The following TNKS variants were observed in gnomAD, a reference collection of about 807,000 sequenced individuals.
The protein encoded by TNKS is poly [ADP-ribose] polymerase tankyrase-1.
A neutral mutation model predicts 135.8 loss-of-function variants in TNKS; 72 were observed. That is an observed-to-expected ratio of 0.53 (90% CI 0.44 to 0.64). The LOEUF (loss-of-function observed/expected upper bound fraction) is 0.64. Among genes scored for constraint, TNKS ranks in the 30% least tolerant of loss-of-function variants. The probability of loss-of-function intolerance (pLI) is 0.00; values close to 1 mark genes in which losing one functional copy is unlikely to be tolerated. For missense variants in TNKS, 1,769 were observed against 1,674.0 expected (o/e 1.06, Z -0.99); for synonymous variants, 849 against 649.3 (o/e 1.31, Z -4.68).
intron 1 of TNKS, among the ~76,000 whole-genome samples, chr8:9,577,362 G>A (rs989141036): frequency 2.6e-5 from 4 of 151,752 alleles, no homozygotes; most frequent in Non-Finnish European, 5.9e-5. Context: ...GTGTTAGTCC[G>A]TTCTTGCATT....
intron 6 of TNKS, 109 bp downstream of exon 6, chr8:9,704,866 C>A: frequency 2.7e-6 from 2 of 735,174 alleles, no homozygotes; most frequent in Non-Finnish European, 4.3e-6. Flanking sequence ...GCTTACATAA[C>A]GTTTTAAGAA....
intron 2 of TNKS, among the ~76,000 whole-genome samples, chr8:9,593,875 TA>T (rs1258915043): frequency 4.0e-5 from 6 of 150,258 alleles, no homozygotes; most frequent in Admixed American, 3.3e-4. Context: ...TTTATTTATT[TA>T]TTTATTATTA....
intron 5 of TNKS, among the ~76,000 whole-genome samples, chr8:9,704,131 T>C (rs1466933150): frequency 6.6e-6 from 1 of 152,210 alleles, no homozygotes; most frequent in Non-Finnish European, 1.5e-5. Flanking sequence ...CCGTACAGAA[T>C]GAATAAGGCC....
chr8:9,602,141 A>C (rs1056123173), intron 2 of TNKS, among the ~76,000 whole-genome samples: 1 of 152,110 alleles, frequency 6.6e-6, no homozygotes, highest in Admixed American at 6.5e-5. Flanking sequence ...CACACAGGAC[A>C]GCTCCCCGCC....
intron 18 of TNKS, among the ~76,000 whole-genome samples, chr8:9,748,576 A>G (rs1443314943): frequency 6.6e-6 from 1 of 152,180 alleles, no homozygotes; most frequent in Non-Finnish European, 1.5e-5. Context: ...TAAGTCTGTG[A>G]GATAGTCAAA....
At chr8:9,618,315 A>T (rs1799729082) in intron 3 of TNKS, among the ~76,000 whole-genome samples, 1 of 152,174 alleles carries the variant, frequency 6.6e-6, no homozygotes, top group Non-Finnish European at 1.5e-5. Flanking sequence ...TTTTTTAATA[A>T]AGCTATACAA....
intron 12 of TNKS, among the ~76,000 whole-genome samples, chr8:9,724,784 C>A (rs1377780587): frequency 6.6e-6 from 1 of 152,054 alleles, no homozygotes; most frequent in African/African-American, 2.4e-5. Context: ...TCTCATAGTT[C>A]CAGAAGCATT....
At position 9,568,744 on chromosome 8, in the gene TNKS, T is replaced by TTTTC. The variant is rs541738280; in HGVS notation, c.674-11415_674-11414insTTTC. Among the ~76,000 whole-genome samples, 1,435 of 152,266 alleles carry TTTTC rather than the reference T, an allele frequency of 9.4e-3. 12 individuals are homozygous for TTTTC. Among genetic ancestry groups the TTTTC allele is most frequent in the Non-Finnish European group, 0.014 (962 of 68,022 alleles). ...AGAAAATCCTTCTTCAAACAGAAAA[T>TTTTC]GTTGTTGGAAAAGGAAGAAATATTT... On this transcript the variant is annotated intron_variant, in intron 1 of 26. Coordinates refer to ENST00000310430, the MANE Select transcript of TNKS (RefSeq NM_003747.3).
chr8:9,611,201 A>C (rs1001509102), intron 2 of TNKS, among the ~76,000 whole-genome samples: 32 of 152,228 alleles, frequency 2.1e-4, no homozygotes, highest in African/African-American at 7.7e-4. Context: ...ACGCATTAGT[A>C]AAACAATTAG....
intron 11 of TNKS, among the ~76,000 whole-genome samples, chr8:9,711,113 A>G (rs962331176): frequency 4.6e-5 from 7 of 152,184 alleles, no homozygotes; most frequent in African/African-American, 7.2e-5. Context: ...ATTTCAAAGC[A>G]GTTGTCTCCA....
intron 1 of TNKS, among the ~76,000 whole-genome samples, chr8:9,572,675 A>G (rs1376937937): frequency 1.3e-5 from 2 of 152,200 alleles, no homozygotes; most frequent in African/African-American, 2.4e-5. Flanking sequence ...TCATGTTGAG[A>G]TGGGGCTGCT....
chr8:9,681,761 G>C (rs1406001732), intron 5 of TNKS, among the ~76,000 whole-genome samples: 1 of 152,086 alleles, frequency 6.6e-6, no homozygotes, highest in East Asian at 1.9e-4. Flanking sequence ...TTTTCTGTGA[G>C]TGATAATTTT....
At chr8:9,602,262 A>G (rs537443482) in intron 2 of TNKS, among the ~76,000 whole-genome samples, 4 of 152,320 alleles carry the variant, frequency 2.6e-5, no homozygotes, top group Admixed American at 2.6e-4. Flanking sequence ...ACTTACGTAG[A>G]CAGCAAAAAG....
chr8:9,702,978 T>TG (rs1803881987), intron 5 of TNKS, among the ~76,000 whole-genome samples: 1 of 152,164 alleles, frequency 6.6e-6, no homozygotes, highest in African/African-American at 2.4e-5. Context: ...ATCAAGCGAC[T>TG]GCACTCCAGC....
chr8:9,693,878 G>A (rs1803391264), intron 5 of TNKS, among the ~76,000 whole-genome samples: 1 of 152,170 alleles, frequency 6.6e-6, no homozygotes, highest in East Asian at 1.9e-4. Flanking sequence ...GATTTACATT[G>A]CCTGGCTAAG....
At chr8:9,631,488 T>G (rs958893251) in intron 3 of TNKS, among the ~76,000 whole-genome samples, 1 of 152,156 alleles carries the variant, frequency 6.6e-6, no homozygotes, top group Non-Finnish European at 1.5e-5. Flanking sequence ...TAGAAGAAAA[T>G]TTACTAAAAA....
intron 17 of TNKS, among the ~76,000 whole-genome samples, chr8:9,742,156 A>G (rs532015976): frequency 2.6e-5 from 4 of 152,184 alleles, no homozygotes; most frequent in South Asian, 4.1e-4. Flanking sequence ...ATGTGTTTAT[A>G]GCAGGTATTT....
chr8:9,706,082 T>G (rs1436374136), intron 6 of TNKS, 105 bp from the exon 7 acceptor site: 3 of 648,970 alleles, frequency 4.6e-6, no homozygotes, highest in Non-Finnish European at 7.2e-6. Flanking sequence ...TTTTAAATAT[T>G]TTAAAATAAT....
chr8:9,628,770 A>G lies in TNKS; in HGVS notation c.994+13093A>G, dbSNP rs4587340. Among the ~76,000 whole-genome samples the G allele has an allele frequency of 9.5e-3, 1,447 of 152,104 alleles. 17 individuals are homozygous for G. The highest frequency in any genetic ancestry group is 0.033 in the African/African-American group (1,361 of 41,454). On this transcript the variant is annotated intron_variant, in intron 3 of 26. Coordinates refer to ENST00000310430, the MANE Select transcript of TNKS (RefSeq NM_003747.3). ...CCTCTTCAGAGGTACATATCCTACT[A>G]CCTACTTGACATTTCCAAATGAGTT...
Sources: gnomAD v4.1 joint callset for allele counts (sites outside exome capture counted in the v4.1 genomes callset) on GRCh38, gnomAD v4.1.1 for gene constraint, MANE v1.5 for transcripts, NCBI Gene and HGNC (gene_info 2026-07-23, HGNC 2026-07-21) for gene names.